NCKAP5: variants seen among roughly 807,000 people sequenced by gnomAD.
NCKAP5 encodes NCK associated protein 5.
Under a neutral mutation model 167.0 loss-of-function variants are expected in NCKAP5, and 92 were observed. The ratio of observed to expected loss-of-function variants is 0.55; its 90% CI spans 0.47 to 0.66. The LOEUF is 0.66. NCKAP5 is among the 30% of genes least tolerant of loss of function. The pLI, the probability that NCKAP5 is intolerant of heterozygous loss-of-function variation, is 0.00. For synonymous variants in NCKAP5, 891 were observed against 877.4 expected (o/e 1.02, Z -0.27); for missense variants, 2,378 against 2,315.0 (o/e 1.03, Z -0.56).
chr2:133,588,205 G>C, the NCKAP5 span, among the ~76,000 whole-genome samples: 1 of 152,002 alleles, frequency 6.6e-6, no homozygotes, highest in Non-Finnish European at 1.5e-5. Flanking sequence ...CTAATGTAAA[G>C]TCCTATGGTC....
chr2:132,906,956 G>C (rs976752672), intron 8 of NCKAP5, among the ~76,000 whole-genome samples: 3 of 152,162 alleles, frequency 2.0e-5, no homozygotes, highest in African/African-American at 7.2e-5. Flanking sequence ...TTACTTGAAT[G>C]ATTTACTGTT....
chr2:133,044,146 A>G (rs1283792396), intron 6 of NCKAP5, among the ~76,000 whole-genome samples: 1 of 152,202 alleles, frequency 6.6e-6, no homozygotes, highest in South Asian at 2.1e-4. Context: ...AAAAAGTTCA[A>G]TGCTTACAGT....
At chr2:133,095,290 G>C (rs1328965766) in intron 6 of NCKAP5, among the ~76,000 whole-genome samples, 1 of 152,222 alleles carries the variant, frequency 6.6e-6, no homozygotes. Flanking sequence ...GTATTCCATA[G>C]TATGTGGTAA....
chr2:133,444,695 C>T lies in NCKAP5; in HGVS notation c.69+72763G>A, dbSNP rs117476715. Among the ~76,000 whole-genome samples the T allele has an allele frequency of 3.1e-3, 474 of 152,308 alleles. 16 individuals carry two copies. In the East Asian group the frequency reaches 0.06, roughly 19 times the overall value. ...CAGAGTTCTGTGTTCTTCTTCCTTG[C>T]ACTCTGATCTTTGCTTTTCTACTTT... On this transcript the variant is annotated intron_variant, in intron 3 of 19. Coordinates refer to ENST00000409261, the MANE Select transcript of NCKAP5 (RefSeq NM_207363.3).
At position 133,214,295 on chromosome 2, in the gene NCKAP5, C is replaced by A. The variant is rs182452022; in HGVS notation, c.144-516G>T. ...TCTCATTTGAGCCTGACAACAATCC[C>A]ATGGGTGATTTCATTATGCCCATTT... On this transcript the variant is annotated intron_variant, in intron 4 of 19. Coordinates refer to ENST00000409261, the MANE Select transcript of NCKAP5 (RefSeq NM_207363.3). Among the ~76,000 whole-genome samples, 264 of 152,246 alleles carry A rather than the reference C, an allele frequency of 1.7e-3. 1 individual carries two copies. Among genetic ancestry groups the A allele is most frequent in the African/African-American group, 6.2e-3 (256 of 41,544 alleles).
chr2:133,615,188 C>A, the NCKAP5 span, among the ~76,000 whole-genome samples: 1 of 152,094 alleles, frequency 6.6e-6, no homozygotes, highest in Non-Finnish European at 1.5e-5. Flanking sequence ...CCAGCCACTG[C>A]AAAATCATGC....
intron 4 of NCKAP5, among the ~76,000 whole-genome samples, chr2:133,251,280 T>C (rs529122530): frequency 2.6e-5 from 4 of 152,312 alleles, no homozygotes; most frequent in Admixed American, 6.5e-5. Flanking sequence ...ATTTTGGTAC[T>C]GGTGAAAGGT....
intron 16 of NCKAP5, among the ~76,000 whole-genome samples, chr2:132,736,836 G>A (rs1236684233): frequency 6.6e-6 from 1 of 152,112 alleles, no homozygotes; most frequent in Non-Finnish European, 1.5e-5. Context: ...CCCCACAAAT[G>A]TAAGTTCACA....
intron 6 of NCKAP5, among the ~76,000 whole-genome samples, chr2:133,112,225 AG>A (rs1200496626): frequency 1.3e-5 from 2 of 152,216 alleles, no homozygotes; most frequent in Non-Finnish European, 2.9e-5. Context: ...CTGTAATCCC[AG>A]CACTTTGGGA....
chr2:133,615,978 G>C, the NCKAP5 span, among the ~76,000 whole-genome samples: 26 of 149,948 alleles, frequency 1.7e-4, no homozygotes, highest in South Asian at 4.1e-3. Context: ...AATCAAACTA[G>C]AACTCAGGAT....
chr2:132,896,674 G>C (rs1693235549), intron 8 of NCKAP5, among the ~76,000 whole-genome samples: 1 of 152,192 alleles, frequency 6.6e-6, no homozygotes, highest in Non-Finnish European at 1.5e-5. Flanking sequence ...ATTTTACCAA[G>C]AGAATATTGA....
chr2:132,699,065 T>G (rs1331902728), intron 19 of NCKAP5, among the ~76,000 whole-genome samples: 1 of 152,158 alleles, frequency 6.6e-6, no homozygotes, highest in Non-Finnish European at 1.5e-5. Flanking sequence ...GCAGCTATTC[T>G]CCTTTTGTTA....
intron 10 of NCKAP5, among the ~76,000 whole-genome samples, chr2:132,864,892 T>G (rs1690222060): frequency 6.6e-6 from 1 of 152,202 alleles, no homozygotes; most frequent in South Asian, 2.1e-4. Flanking sequence ...TTGAAGTGAT[T>G]GCTTCTGATT....
chr2:132,726,049 G>A (rs1397403802), intron 18 of NCKAP5, among the ~76,000 whole-genome samples: 2 of 152,132 alleles, frequency 1.3e-5, no homozygotes, highest in Non-Finnish European at 2.9e-5. Context: ...GGTCCCCACG[G>A]TTACCTGGTC....
At chr2:133,182,758 A>C (rs1236786163) in intron 5 of NCKAP5, among the ~76,000 whole-genome samples, 2 of 152,184 alleles carry the variant, frequency 1.3e-5, no homozygotes, top group Non-Finnish European at 2.9e-5. Context: ...GAATGAATAA[A>C]TATAAGAGCA....
intron 3 of NCKAP5, among the ~76,000 whole-genome samples, chr2:133,455,130 A>G (rs1424918613): frequency 1.3e-5 from 2 of 152,136 alleles, no homozygotes; most frequent in African/African-American, 4.8e-5. Flanking sequence ...AAGCAATACC[A>G]ACAAGAACAG....
chr2:133,586,829 A>C, the NCKAP5 span, among the ~76,000 whole-genome samples: 1 of 151,752 alleles, frequency 6.6e-6, no homozygotes, highest in Non-Finnish European at 1.5e-5. Flanking sequence ...TGAGTGAGGA[A>C]TAGGGTGGGG....
Position 133,564,923 on chromosome 2 carries a change from T to C in NCKAP5, c.-130+3293A>G, listed in dbSNP as rs1045464603. ...GGCAGTGTCATGCATGGTGCTAAGTTTGGGGAGTCAGTTGGCAGGTGTGCC... is the reference window on the plus strand; with the variant it reads ...GGCAGTGTCATGCATGGTGCTAAGTCTGGGGAGTCAGTTGGCAGGTGTGCC... On this transcript the variant is annotated intron_variant, in intron 1 of 19. Coordinates refer to ENST00000409261, the MANE Select transcript of NCKAP5 (RefSeq NM_207363.3). 2.0e-5 allele frequency among the ~76,000 whole-genome samples: 3 copies of C among 152,064 alleles called. No individual in the cohort carries two copies. In the East Asian group the frequency reaches 5.8e-4, roughly 29 times the overall value.
At chr2:133,611,625 T>A in the NCKAP5 span, among the ~76,000 whole-genome samples, 2 of 152,168 alleles carry the variant, frequency 1.3e-5, no homozygotes, top group African/African-American at 4.8e-5. Flanking sequence ...AATGACATGA[T>A]GTCTGAGATT....
Sources: gnomAD v4.1 joint callset for allele counts (sites outside exome capture counted in the v4.1 genomes callset) on GRCh38, gnomAD v4.1.1 for gene constraint, MANE v1.5 for transcripts, NCBI Gene and HGNC (gene_info 2026-07-23, HGNC 2026-07-21) for gene names.